Variants in NALF1 observed in about 807,000 individuals in gnomAD.
The protein encoded by NALF1 is NALCN channel auxiliary factor 1.
A neutral mutation model predicts 48.4 loss-of-function variants in NALF1; 3 were observed. That is an observed-to-expected ratio of 0.06 (90% confidence interval 0.03 to 0.16). The LOEUF (loss-of-function observed/expected upper bound fraction) is 0.16. Ranked by LOEUF, NALF1 falls within the 10% of genes least tolerant of loss-of-function variation. The pLI is 1.00. For synonymous variants in NALF1, 262 were observed against 245.7 expected, an observed-to-expected ratio of 1.07 and a Z score of -0.62; for missense variants, 526 against 571.5, an observed-to-expected ratio of 0.92 and a Z score of 0.81.
intron 1 of NALF1, among the ~76,000 whole-genome samples, chr13:107,714,703 T>C (rs1875701150): frequency 6.6e-6 from 1 of 152,060 alleles, no homozygotes; most frequent in African/African-American, 2.4e-5. Flanking sequence ...TTGTGCTCTG[T>C]TTTGACACTT....
intron 1 of NALF1, among the ~76,000 whole-genome samples, chr13:107,231,703 A>C (rs1244651367): frequency 6.6e-6 from 1 of 152,236 alleles, no homozygotes; most frequent in Non-Finnish European, 1.5e-5. Flanking sequence ...AGAACTATTA[A>C]TTGTTTTGTG....
intron 1 of NALF1, among the ~76,000 whole-genome samples, chr13:107,561,953 A>G (rs1177403685): frequency 3.3e-5 from 5 of 152,226 alleles, no homozygotes. Context: ...TAGGTTTGTC[A>G]TTTTAGATTA....
chr13:107,773,091 A>G (rs569148930), intron 1 of NALF1, among the ~76,000 whole-genome samples: 50 of 152,330 alleles, frequency 3.3e-4, no homozygotes, highest in African/African-American at 1.1e-3. Flanking sequence ...TCCTTTAAGA[A>G]GCTCAATGTC....
At chr13:107,615,448 C>A (rs1354720998) in intron 1 of NALF1, among the ~76,000 whole-genome samples, 6 of 152,198 alleles carry the variant, frequency 3.9e-5, no homozygotes, top group African/African-American at 1.4e-4. Context: ...ACAAACCCTG[C>A]ATGAATTCAC....
intron 1 of NALF1, among the ~76,000 whole-genome samples, chr13:107,396,527 G>C (rs986183354): frequency 2.6e-5 from 4 of 152,148 alleles, no homozygotes; most frequent in Non-Finnish European, 5.9e-5. Flanking sequence ...CACTCCGGGG[G>C]ACTGAGTGGC....
rs186435305 is a variant in NALF1, at chr13:107,428,613, G to A, written c.916-217858C>T. Among the ~76,000 whole-genome samples the A allele has an allele frequency of 1.2e-3, 176 of 152,258 alleles. 1 individual carries two copies. Among genetic ancestry groups the A allele is most frequent in the Middle Eastern group, 6.8e-3 (2 of 294 alleles). On this transcript the variant is annotated intron_variant, in intron 1 of 2. Transcript: ENST00000375915. ...ACAGAACAATAGGAAATGTTAGGAT[G>A]GAGAGACAGTGGTGTATTGTTAAAT...
chr13:107,600,535 T>G (rs571441178), intron 1 of NALF1, among the ~76,000 whole-genome samples: 116 of 152,294 alleles, frequency 7.6e-4, no homozygotes, highest in Non-Finnish European at 1.4e-3. Flanking sequence ...TATTTCAATG[T>G]TTTTTTGAAT....
intron 1 of NALF1, among the ~76,000 whole-genome samples, chr13:107,691,369 G>A (rs562759621): frequency 6.6e-6 from 1 of 152,254 alleles, no homozygotes; most frequent in Non-Finnish European, 1.5e-5. Flanking sequence ...GTGACACTTC[G>A]CTACAGCAGC....
chr13:107,367,838 TCA>T (rs1483712529), intron 1 of NALF1, among the ~76,000 whole-genome samples: 1 of 152,194 alleles, frequency 6.6e-6, no homozygotes, highest in African/African-American at 2.4e-5. Context: ...TCTAGGGAAC[TCA>T]TGCAGACTAG....
Position 107,866,075 on chromosome 13 carries a change from C to T in NALF1, c.522G>A (p.Gln174=), listed in dbSNP as rs1325038820. The change falls in exon 1 of 3, where the codon CAG becomes CAA. Residue 174 remains glutamine (Q), a synonymous_variant. Coordinates refer to ENST00000375915, the MANE Select transcript of NALF1 (RefSeq NM_001080396.3). This position sits in a 1 kb window ranked among gnomAD's most constrained non-coding sequence, Gnocchi z 4.4. ...PVWRLETCYP[Q]GASSGQCFTV... ...TGAAGCACTGGCCCGAGGACGCGCC[C>T]TGGGGGTAACAAGTCTCCAGGCGCC... The T allele has an allele frequency of 1.2e-6, 2 of 1,613,016 alleles. No homozygotes were observed. The highest frequency in any genetic ancestry group is 1.7e-6 in the Non-Finnish European group (2 of 1,179,972).
intron 1 of NALF1, among the ~76,000 whole-genome samples, chr13:107,852,698 A>C (rs1417606416): frequency 6.6e-6 from 1 of 152,200 alleles, no homozygotes; most frequent in Non-Finnish European, 1.5e-5. Flanking sequence ...CATTACTTGA[A>C]GAAATCAGAA....
chr13:107,342,867 C>T (rs981366751), intron 1 of NALF1, among the ~76,000 whole-genome samples: 30 of 152,152 alleles, frequency 2.0e-4, no homozygotes, highest in African/African-American at 6.7e-4. Context: ...ATCAAAGCTC[C>T]CAAATGTATG....
chr13:107,722,332 C>T (rs1362607950), intron 1 of NALF1, among the ~76,000 whole-genome samples: 1 of 152,120 alleles, frequency 6.6e-6, no homozygotes, highest in Non-Finnish European at 1.5e-5. Flanking sequence ...GAATTTGGTG[C>T]ATGATACACA....
intron 1 of NALF1, among the ~76,000 whole-genome samples, chr13:107,218,626 A>C (rs953456647): frequency 2.0e-5 from 3 of 152,078 alleles, no homozygotes; most frequent in African/African-American, 7.2e-5. Context: ...CAAACAAAAC[A>C]AACAAACAAA....
intron 1 of NALF1, among the ~76,000 whole-genome samples, chr13:107,478,538 A>G (rs2139058663): frequency 6.6e-6 from 1 of 152,258 alleles, no homozygotes; most frequent in South Asian, 2.1e-4. Flanking sequence ...CAAAAACACT[A>G]TGGGGTTGGT....
chr13:107,691,742 T>A (rs1881573716), intron 1 of NALF1, among the ~76,000 whole-genome samples: 1 of 151,968 alleles, frequency 6.6e-6, no homozygotes, highest in Non-Finnish European at 1.5e-5. Flanking sequence ...AAAATAATAG[T>A]CAAGAAGAGT....
intron 1 of NALF1, among the ~76,000 whole-genome samples, chr13:107,582,423 T>TA (rs1313958156): frequency 6.6e-6 from 1 of 152,210 alleles, no homozygotes; most frequent in African/African-American, 2.4e-5. Flanking sequence ...CACAGGCAGA[T>TA]AACACTTGCA....
chr13:107,755,188 C>T (rs1877060070), intron 1 of NALF1, among the ~76,000 whole-genome samples: 1 of 152,018 alleles, frequency 6.6e-6, no homozygotes, highest in South Asian at 2.1e-4. Context: ...TTCCATGTTG[C>T]TCCACACACA....
intron 1 of NALF1, among the ~76,000 whole-genome samples, chr13:107,291,225 T>C (rs763219444): frequency 8.4e-4 from 127 of 152,066 alleles, no homozygotes; most frequent in Non-Finnish European, 4.1e-4. Context: ...ACTATATTGA[T>C]ATGAAAAACA....
Sources: allele counts gnomAD v4.1 joint callset (sites outside exome capture counted in the v4.1 genomes callset), GRCh38; gene constraint gnomAD v4.1.1; non-coding constraint Gnocchi (gnomAD v3.1); transcripts MANE v1.5; gene names NCBI Gene and HGNC (gene_info 2026-07-23, HGNC 2026-07-21).